The following FUT9 variants were observed in gnomAD, a reference collection of about 807,000 sequenced individuals.
FUT9 encodes the protein 4-galactosyl-N-acetylglucosaminide 3-alpha-L-fucosyltransferase 9.
A neutral mutation model predicts 29.7 loss-of-function variants in FUT9; 15 were observed. The ratio of observed to expected loss-of-function variants is 0.51; its 90% CI spans 0.34 to 0.78. The LOEUF (loss-of-function observed/expected upper bound fraction) is 0.78. Ranked by LOEUF, FUT9 falls within the 30% of genes least tolerant of loss-of-function variation. The probability of loss-of-function intolerance (pLI) is 0.01; values close to 1 mark genes in which losing one functional copy is unlikely to be tolerated. For missense variants in FUT9, 319 were observed against 425.4 expected (o/e 0.75, Z 2.20); for synonymous variants, 169 against 153.7 (o/e 1.10, Z -0.74).
At chr6:96,043,294 T>G (rs1437372233) in intron 1 of FUT9, among the ~76,000 whole-genome samples, 2 of 72,864 alleles carry the variant, frequency 2.7e-5, no homozygotes, top group African/African-American at 2.3e-4. Flanking sequence ...CTCGTGATCC[T>G]CTCGCCTCGG....
chr6:96,050,275 G>A (rs1770641819), intron 1 of FUT9, among the ~76,000 whole-genome samples: 1 of 152,134 alleles, frequency 6.6e-6, no homozygotes, highest in South Asian at 2.1e-4. Flanking sequence ...CTGTCTCTGT[G>A]TTTACCCCAA....
intron 1 of FUT9, among the ~76,000 whole-genome samples, chr6:96,111,532 A>C (rs1771805838): frequency 7.3e-6 from 1 of 136,696 alleles, no homozygotes; most frequent in Admixed American, 7.8e-5. Flanking sequence ...TATAACCATG[A>C]TTTGGGAAAC....
chr6:96,029,125 G>T (rs1461065027), intron 1 of FUT9, among the ~76,000 whole-genome samples: 1 of 151,614 alleles, frequency 6.6e-6, no homozygotes, highest in Non-Finnish European at 1.5e-5. Context: ...CATGGGGATA[G>T]TGTCATATGT....
At chr6:96,173,867 A>G (rs1469737695) in intron 2 of FUT9, among the ~76,000 whole-genome samples, 1 of 152,120 alleles carries the variant, frequency 6.6e-6, no homozygotes, top group Non-Finnish European at 1.5e-5. Context: ...ATTAAATGTG[A>G]CAGCCATATT....
At chr6:96,067,424 C>T (rs1226533162) in intron 1 of FUT9, among the ~76,000 whole-genome samples, 2 of 151,954 alleles carry the variant, frequency 1.3e-5, no homozygotes, top group Non-Finnish European at 2.9e-5. Flanking sequence ...AAACAGAAAA[C>T]AGAAGTGCTT....
At chr6:96,098,632 T>G (rs570689236) in intron 1 of FUT9, among the ~76,000 whole-genome samples, 1 of 152,296 alleles carries the variant, frequency 6.6e-6, no homozygotes, top group African/African-American at 2.4e-5. Context: ...CAATATGTCT[T>G]ATGTGTCATC....
intron 1 of FUT9, among the ~76,000 whole-genome samples, chr6:96,033,981 T>TA (rs1445945070): frequency 5.3e-5 from 8 of 151,326 alleles, no homozygotes; most frequent in African/African-American, 1.2e-4. Context: ...CTCCAAAATT[T>TA]AAAAAAAGGC....
At chr6:96,200,646 A>G (rs1437612184) in intron 2 of FUT9, among the ~76,000 whole-genome samples, 1 of 152,148 alleles carries the variant, frequency 6.6e-6, no homozygotes, top group East Asian at 1.9e-4. Context: ...ATTTCAGTTC[A>G]AAAAGGATTT....
Position 96,203,152 on chromosome 6 carries a change from A to G in FUT9, c.-4A>G. On this transcript the variant is annotated 5_prime_UTR_variant, in exon 3 of 3. Coordinates refer to ENST00000302103, the MANE Select transcript of FUT9 (RefSeq NM_006581.4). ...CTGTCTTTCTCTATTTCGTAGGAAA[A>G]ATTATGACATCAACATCCAAAGGAA... 6.3e-7 allele frequency: 1 copy of G among 1,583,004 alleles called. No individual in the cohort carries two copies. Among genetic ancestry groups the G allele is most frequent in the Non-Finnish European group, 8.6e-7 (1 of 1,159,804 alleles).
chr6:96,192,921 T>C (rs2127989124), intron 2 of FUT9, among the ~76,000 whole-genome samples: 1 of 152,014 alleles, frequency 6.6e-6, no homozygotes, highest in African/African-American at 2.4e-5. Context: ...TATCTAATCT[T>C]TGACAAACCT....
At chr6:96,188,495 C>CAATTCT (rs1409093688) in intron 2 of FUT9, among the ~76,000 whole-genome samples, 1 of 152,012 alleles carries the variant, frequency 6.6e-6, no homozygotes, top group Non-Finnish European at 1.5e-5. Context: ...TACGTGTGAC[C>CAATTCT]TGAGGCAGAA....
chr6:96,148,049 A>G (rs1772606340), intron 2 of FUT9, among the ~76,000 whole-genome samples: 2 of 100,156 alleles, frequency 2.0e-5, no homozygotes, highest in Admixed American at 2.4e-4. Context: ...AAGAAAAAAA[A>G]AATATTGAAA....
rs36064811 is a variant in FUT9 at position 96,100,230 on chromosome 6, AACACACACAC to A, written c.-97-13771_-97-13762del. Among the ~76,000 whole-genome samples the A allele has an allele frequency of 2.2e-3, 324 of 148,892 alleles. 5 individuals are homozygous for A. Among genetic ancestry groups the A allele is most frequent in the East Asian group, 0.015 (74 of 5,084 alleles). On this transcript the variant is annotated intron_variant, in intron 1 of 2. Transcript: ENST00000302103. The stretch of plus-strand genomic sequence containing the variant: ...TTGGAATTTAACACACACACACACC[AACACACACAC>A]ACACACACACACACACACACACACA...
At chr6:96,088,246 T>TA (rs1771351983) in intron 1 of FUT9, among the ~76,000 whole-genome samples, 1 of 151,842 alleles carries the variant, frequency 6.6e-6, no homozygotes, top group Non-Finnish European at 1.5e-5. Context: ...TAATAAAACA[T>TA]AAAAAATATA....
At chr6:96,110,815 C>CTATTTATTTATTTATTTATTTATT (rs1554193305) in intron 1 of FUT9, among the ~76,000 whole-genome samples, 2 of 145,046 alleles carry the variant, frequency 1.4e-5, no homozygotes, top group Non-Finnish European at 3.0e-5. Flanking sequence ...ACAAATGTGC[C>CTATTTATTTATTTATTTATTTATT]TATTTATTTA....
intron 2 of FUT9, among the ~76,000 whole-genome samples, chr6:96,154,116 T>C (rs1772731494): frequency 6.6e-6 from 1 of 152,200 alleles, no homozygotes; most frequent in Non-Finnish European, 1.5e-5. Context: ...TTCCTCATAA[T>C]GGGTGATGAT....
intron 1 of FUT9, among the ~76,000 whole-genome samples, chr6:96,059,621 A>T (rs6933041): frequency 6.6e-6 from 1 of 151,896 alleles, no homozygotes; most frequent in Non-Finnish European, 1.5e-5. Context: ...CCAGCTATCC[A>T]TTTCATTACA....
chr6:96,204,280 T>G lies in FUT9; in HGVS notation c.*45T>G, dbSNP rs978375081. On this transcript the variant is annotated 3_prime_UTR_variant, in exon 3 of 3. Coordinates refer to ENST00000302103, the MANE Select transcript of FUT9 (RefSeq NM_006581.4). ...ACTTGATAAATATTTTGATGAGATA[T>G]CATCCAAGTATTGAGGATAAGAAGA... The G allele has an allele frequency of 3.0e-6, 4 of 1,321,918 alleles. No homozygotes were observed. The African/African-American group carries it at 5.9e-5, about 19-fold the overall frequency. The allele number at this position is 1,321,918 out of a possible 1,614,324, so 81.9% of individuals were successfully genotyped here.
intron 2 of FUT9, among the ~76,000 whole-genome samples, chr6:96,136,498 A>G (rs931530021): frequency 2.0e-5 from 3 of 151,976 alleles, no homozygotes; most frequent in African/African-American, 7.2e-5. Flanking sequence ...TCCTTCTTGC[A>G]GTTATGAGCT....
Sources: allele counts gnomAD v4.1 joint callset (sites outside exome capture counted in the v4.1 genomes callset), GRCh38; gene constraint gnomAD v4.1.1; transcripts MANE v1.5; gene names NCBI Gene and HGNC (gene_info 2026-07-23, HGNC 2026-07-21).